The following FAS variants were observed in gnomAD, a reference collection of about 807,000 sequenced individuals.
The protein encoded by FAS is tumor necrosis factor receptor superfamily member 6.
FAS carries 5 observed loss-of-function variants against 33.2 expected under a neutral mutation model. The ratio of observed to expected loss-of-function variants is 0.15; its 90% confidence interval spans 0.08 to 0.32. The LOEUF is 0.32. Among genes scored for constraint, FAS ranks in the 10% least tolerant of loss-of-function variants. The probability of loss-of-function intolerance (pLI) is 1.00; values close to 1 mark genes in which losing one functional copy is unlikely to be tolerated. For synonymous variants in FAS, 131 were observed against 130.7 expected (o/e 1.00, Z -0.01); for missense variants, 339 against 386.0 (o/e 0.88, Z 1.02).
At chr10:88,973,262 A>C (rs543823339) in exon 2 of FAS, 3 of 1,612,578 alleles carry the variant, frequency 1.9e-6, no homozygotes, top group Admixed American at 3.3e-5. Context: ...GACCAAATGG[A>C]TTCCCACTCT....
At chr10:88,976,188 A>C (rs1846558586) in intron 2 of FAS, among the ~76,000 whole-genome samples, 1 of 152,128 alleles carries the variant, frequency 6.6e-6, no homozygotes, top group South Asian at 2.1e-4. Context: ...ACTAACACTA[A>C]CTATAGCTGA....
chr10:88,985,592 G>T (rs1472924938), upstream of FAS, among the ~76,000 whole-genome samples: 1 of 152,094 alleles, frequency 6.6e-6, no homozygotes, highest in Non-Finnish European at 1.5e-5. Flanking sequence ...TCTCCCTCAA[G>T]CTGTCCCCTC....
chr10:88,967,926 T>C (rs1162983554), intron 1 of FAS, among the ~76,000 whole-genome samples: 3 of 152,148 alleles, frequency 2.0e-5, no homozygotes, highest in Admixed American at 6.5e-5. Context: ...TCTCAAGAGT[T>C]TGTTAGTATG....
upstream of FAS, among the ~76,000 whole-genome samples, chr10:88,989,249 TC>T (rs974534787): frequency 3.3e-5 from 5 of 152,188 alleles, no homozygotes; most frequent in African/African-American, 9.7e-5. Context: ...TTGTCAATTG[TC>T]CTTTCCCCTT....
chr10:88,967,927 T>TGTTA (rs1216789477), intron 1 of FAS, among the ~76,000 whole-genome samples: 1 of 152,142 alleles, frequency 6.6e-6, no homozygotes, highest in African/African-American at 2.4e-5. Flanking sequence ...CTCAAGAGTT[T>TGTTA]GTTAGTATGA....
intron 1 of FAS, chr10:88,991,759 C>T (rs1324551): frequency 0.57 from 87,129 of 151,954 alleles, 26,311 homozygotes; most frequent in African/African-American, 0.78. Flanking sequence ...GTACTCGTTC[C>T]CACCGCACAG....
intron 1 of FAS, among the ~76,000 whole-genome samples, chr10:88,970,229 G>A (rs1846402764): frequency 6.6e-6 from 1 of 152,078 alleles, no homozygotes. Flanking sequence ...CCCTGTTTAA[G>A]GAGGTCTTTG....
In FAS at chr10:88,990,990, G is replaced by A; in HGVS notation, c.30+84G>A. 6.3e-7 allele frequency: 1 copy of A among 1,596,086 alleles called. No individual in the cohort carries two copies. The highest frequency in any genetic ancestry group is 1.3e-5 in the African/African-American group (1 of 74,632). ...AGTGGGGCGGGCGCGGGACGCGTGC[G>A]GGATTGCGGCGGCAGCGGCGCACGC... On this transcript the variant is annotated intron_variant, in intron 1 of 8. Transcript: ENST00000652046. This position sits in a 1 kb window ranked among gnomAD's most constrained non-coding sequence, Gnocchi z 4.9.
At chr10:88,991,067 G>A (rs963236101) in intron 1 of FAS, 161 bp downstream of exon 1, 6 of 896,008 alleles carry the variant, frequency 6.7e-6, no homozygotes, top group South Asian at 1.5e-5. Flanking sequence ...ACTGGCTCCC[G>A]GGGGCTGTTA....
intron 2 of FAS, among the ~76,000 whole-genome samples, chr10:88,980,252 A>G (rs1371828138): frequency 1.3e-5 from 2 of 152,234 alleles, no homozygotes; most frequent in Admixed American, 6.5e-5. Context: ...AAGTCAGGGC[A>G]TGAGGTATAG....
At chr10:88,993,501 A>G (rs1010087286) in intron 1 of FAS, among the ~76,000 whole-genome samples, 1 of 152,114 alleles carries the variant, frequency 6.6e-6, no homozygotes, top group Admixed American at 6.5e-5. Context: ...GTCTTGCATT[A>G]TTTAGGACAT....
upstream of FAS, among the ~76,000 whole-genome samples, chr10:88,986,027 G>A (rs1846871588): frequency 6.6e-6 from 1 of 152,066 alleles, no homozygotes; most frequent in South Asian, 2.1e-4. Context: ...ATAATGTAAT[G>A]TTTTATTTTA....
intron 1 of FAS, chr10:88,973,076 T>G: frequency 7.6e-7 from 1 of 1,315,284 alleles, no homozygotes; most frequent in Non-Finnish European, 1.0e-6. Flanking sequence ...GTACTTAGTC[T>G]TTCAAAAAAT....
chr10:89,009,909 T>A (rs140629962), intron 4 of FAS, among the ~76,000 whole-genome samples: 10 of 152,378 alleles, frequency 6.6e-5, no homozygotes, highest in African/African-American at 1.9e-4. Flanking sequence ...ATTATTTCCA[T>A]GTTATTGATG....
chr10:88,970,894 T>TAC (rs759955299), intron 1 of FAS, among the ~76,000 whole-genome samples: 11 of 123,464 alleles, frequency 8.9e-5, no homozygotes, highest in African/African-American at 2.7e-4. Flanking sequence ...TGTGTGTGTG[T>TAC]GTGTATATAT....
rs1234215035 is a variant in FAS at position 89,015,058 on chromosome 10, T to TATTCAATTCTA, written c.*608_*609insATTCAATTCTA. 1.9e-6 allele frequency: 1 copy of TATTCAATTCTA among 534,306 alleles called. No homozygotes were observed. Among genetic ancestry groups the TATTCAATTCTA allele is most frequent in the Non-Finnish European group, 3.6e-6 (1 of 276,336 alleles). 33.1% of individuals were successfully genotyped at this position (534,306 alleles called of 1,614,324 possible). On this transcript the variant is annotated 3_prime_UTR_variant, in exon 9 of 9. Transcript: ENST00000652046. ...GGTGTCATATTATACAATATTTCAA[T>TATTCAATTCTA]TGTGAATTCACATAGAAAACATTAA...
intron 1 of FAS, among the ~76,000 whole-genome samples, chr10:88,972,607 G>T: frequency 6.7e-6 from 1 of 148,896 alleles, no homozygotes; most frequent in Non-Finnish European, 1.5e-5. Context: ...TATATCTTTT[G>T]GCATTATTTT....
At chr10:88,991,332 C>G in intron 1 of FAS, 1 of 334,648 alleles carries the variant, frequency 3.0e-6, no homozygotes. Flanking sequence ...CAAGCCAAGC[C>G]AAAGGTCCGC....
intron 2 of FAS, among the ~76,000 whole-genome samples, chr10:89,005,400 A>T (rs990700755): frequency 1.3e-5 from 2 of 152,154 alleles, no homozygotes. Flanking sequence ...TTTCCTATGT[A>T]AATTGACATT....
Sources: allele counts gnomAD v4.1 joint callset (sites outside exome capture counted in the v4.1 genomes callset), GRCh38; gene constraint gnomAD v4.1.1; non-coding constraint Gnocchi (gnomAD v3.1); transcripts MANE v1.5; gene names NCBI Gene and HGNC (gene_info 2026-07-23, HGNC 2026-07-21).